Variants in DPP6 observed in about 807,000 individuals in gnomAD.
DPP6 encodes A-type potassium channel modulatory protein DPP6.
DPP6 carries 69 observed loss-of-function variants against 122.6 expected under a neutral mutation model. The ratio of observed to expected loss-of-function variants is 0.56; its 90% CI spans 0.46 to 0.69. The LOEUF is 0.69. Ranked by LOEUF, DPP6 falls within the 30% of genes least tolerant of loss-of-function variation. The probability of loss-of-function intolerance (pLI) is 0.00; values close to 1 mark genes in which losing one functional copy is unlikely to be tolerated. For missense variants in DPP6, 928 were observed against 1,116.9 expected, an observed-to-expected ratio of 0.83 and a Z score of 2.41; for synonymous variants, 418 against 433.1, an observed-to-expected ratio of 0.97 and a Z score of 0.43.
intron 5 of DPP6, among the ~76,000 whole-genome samples, chr7:154,628,396 C>A (rs1835213807): frequency 6.6e-6 from 1 of 152,200 alleles, no homozygotes; most frequent in South Asian, 2.1e-4. Context: ...CTTGTCTGTG[C>A]AGAATACTTC....
At chr7:154,085,867 A>G in intron 1 of DPP6, among the ~76,000 whole-genome samples, 1 of 152,170 alleles carries the variant, frequency 6.6e-6, no homozygotes, top group East Asian at 1.9e-4. Flanking sequence ...AGCTGGGATA[A>G]CAGGCGCTCA....
intron 1 of DPP6, among the ~76,000 whole-genome samples, chr7:154,166,523 A>G (rs1797257390): frequency 6.6e-6 from 1 of 151,926 alleles, no homozygotes. Context: ...TCCTCCCCCG[A>G]AGAACTTTTG....
intron 8 of DPP6, among the ~76,000 whole-genome samples, chr7:154,744,655 G>A (rs752315285): frequency 2.0e-5 from 3 of 152,070 alleles, no homozygotes; most frequent in Non-Finnish European, 2.9e-5. Flanking sequence ...TTCTGCTCTC[G>A]GCACCTTGGA....
chr7:154,460,393 C>G (rs6946298), intron 2 of DPP6, among the ~76,000 whole-genome samples: 58,807 of 152,108 alleles, frequency 0.39, 12,462 homozygotes, highest in Non-Finnish European at 0.47. Context: ...TCTCTTCACT[C>G]TGAGTTACAA....
At chr7:154,306,186 G>A (rs1585883656) in intron 1 of DPP6, among the ~76,000 whole-genome samples, 1 of 152,280 alleles carries the variant, frequency 6.6e-6, no homozygotes, top group South Asian at 2.1e-4. Flanking sequence ...GACCGCGGAC[G>A]GGGAAGGCTG....
intron 1 of DPP6, among the ~76,000 whole-genome samples, chr7:154,329,703 A>G (rs1219164550): frequency 2.0e-5 from 3 of 152,250 alleles, no homozygotes; most frequent in Non-Finnish European, 4.4e-5. Flanking sequence ...AGGATTATAA[A>G]TCATTCTATA....
intron 1 of DPP6, among the ~76,000 whole-genome samples, chr7:154,205,274 T>C (rs925319559): frequency 6.6e-6 from 1 of 152,194 alleles, no homozygotes; most frequent in Admixed American, 6.5e-5. Flanking sequence ...TTGACATGGA[T>C]GTAGTCATGA....
At position 154,279,424 on chromosome 7, in the gene DPP6, C is replaced by T. The variant is rs756262578; in HGVS notation, c.244-166790C>T. 2.0e-5 allele frequency among the ~76,000 whole-genome samples: 3 copies of T among 152,136 alleles called. No individual in the cohort carries two copies. The South Asian group carries it at 6.2e-4, about 32-fold the overall frequency. On this transcript the variant is annotated intron_variant, in intron 1 of 25. Coordinates refer to ENST00000377770, the MANE Select transcript of DPP6 (RefSeq NM_130797.4). ...TTCTGGCCAGTATATTCTAGGACTA[C>T]CCTTGGTGGTGGTATCATGGGGATA...
intron 1 of DPP6, among the ~76,000 whole-genome samples, chr7:154,258,026 T>C (rs891840593): frequency 6.6e-6 from 1 of 152,100 alleles, no homozygotes; most frequent in African/African-American, 2.4e-5. Context: ...ATGCAGTAGT[T>C]TTAAAGCCTG....
intron 1 of DPP6, among the ~76,000 whole-genome samples, chr7:153,979,896 G>A (rs770621536): frequency 2.6e-4 from 40 of 152,112 alleles, no homozygotes; most frequent in Non-Finnish European, 4.4e-4. Flanking sequence ...AGTTGAAGCC[G>A]AGTTGATCAT....
chr7:154,016,626 G>A (rs1286684311), intron 1 of DPP6, among the ~76,000 whole-genome samples: 2 of 151,984 alleles, frequency 1.3e-5, no homozygotes, highest in African/African-American at 2.4e-5. Flanking sequence ...AAATTAGCTG[G>A]GTGTGCAGAT....
intron 8 of DPP6, among the ~76,000 whole-genome samples, chr7:154,743,158 C>T (rs1457164634): frequency 6.6e-6 from 1 of 152,194 alleles, no homozygotes; most frequent in Admixed American, 6.5e-5. Flanking sequence ...TCGGGCTCAG[C>T]TCTTTTATCT....
chr7:154,890,298 G>A (rs1327567676), intron 25 of DPP6: 6 of 152,298 alleles, frequency 3.9e-5, no homozygotes. Context: ...CTCTTGCCCT[G>A]GGCTGATCAC....
In DPP6 at chr7:154,063,004, T is replaced by C. The variant is rs1478889485; in HGVS notation, c.243+9941T>C. Among the ~76,000 whole-genome samples, 36 of 132,294 alleles carry C rather than the reference T, an allele frequency of 2.7e-4. 6 individuals are homozygous for C. The highest frequency in any genetic ancestry group is 9.4e-4 in the Admixed American group (12 of 12,750). 86.8% of individuals were successfully genotyped at this position (132,294 alleles called of 152,430 possible). On this transcript the variant is annotated intron_variant, in intron 1 of 25. Transcript: ENST00000377770. ...GGAATTACTGAGAGCCAGTCCCTCT[T>C]CCCCCCCTGGCTCTGAGGAACCCCA...
intron 1 of DPP6, among the ~76,000 whole-genome samples, chr7:154,150,894 C>A (rs1030053959): frequency 6.6e-6 from 1 of 152,204 alleles, no homozygotes; most frequent in African/African-American, 2.4e-5. Context: ...GCTCTTCCTC[C>A]CCACTCTCCT....
chr7:154,416,012 C>A (rs1016773309), intron 1 of DPP6, among the ~76,000 whole-genome samples: 3 of 151,962 alleles, frequency 2.0e-5, no homozygotes, highest in Non-Finnish European at 4.4e-5. Flanking sequence ...TCACTTTCTG[C>A]AGTCTCAATT....
chr7:154,810,389 G>C (rs1006760285), intron 16 of DPP6, among the ~76,000 whole-genome samples: 1 of 152,198 alleles, frequency 6.6e-6, no homozygotes, highest in Non-Finnish European at 1.5e-5. Context: ...CATGGAGCCC[G>C]TGGTAGATAG....
intron 1 of DPP6, among the ~76,000 whole-genome samples, chr7:154,133,497 A>C (rs2150640296): frequency 6.6e-6 from 1 of 152,272 alleles, no homozygotes; most frequent in Non-Finnish European, 1.5e-5. Context: ...TAAATGAGGA[A>C]GTGCTTTGAA....
chr7:154,343,698 A>G (rs1222464641), intron 1 of DPP6, among the ~76,000 whole-genome samples: 2 of 152,238 alleles, frequency 1.3e-5, no homozygotes, highest in African/African-American at 4.8e-5. Flanking sequence ...CTCCGGCCTC[A>G]GCCTCCTGAG....
Sources: allele counts gnomAD v4.1 joint callset (sites outside exome capture counted in the v4.1 genomes callset), GRCh38; gene constraint gnomAD v4.1.1; transcripts MANE v1.5; gene names NCBI Gene and HGNC (gene_info 2026-07-23, HGNC 2026-07-21).